MED13L: variants seen among roughly 807,000 people sequenced by gnomAD.
MED13L encodes the protein mediator of RNA polymerase II transcription subunit 13-like.
Under a neutral mutation model 220.9 loss-of-function variants are expected in MED13L, and 7 were observed. The observed-to-expected ratio is 0.03, with a 90% CI of 0.02 to 0.06. The LOEUF is 0.06. Among genes scored for constraint, MED13L ranks in the 10% least tolerant of loss-of-function variants. MED13L has a pLI of 1.00. For synonymous variants in MED13L, 1,011 were observed against 1,015.2 expected, an observed-to-expected ratio of 1.00 and a Z score of 0.08; for missense variants, 1,965 against 2,760.5, an observed-to-expected ratio of 0.71 and a Z score of 6.46.
intron 2 of MED13L, among the ~76,000 whole-genome samples, chr12:116,192,377 T>C (rs921442316): frequency 1.3e-5 from 2 of 152,004 alleles, no homozygotes; most frequent in African/African-American, 4.8e-5. Context: ...TCTAAGAGAG[T>C]AAACACAGGA....
chr12:116,237,048 T>C (rs1870147835), intron 2 of MED13L, among the ~76,000 whole-genome samples: 1 of 152,216 alleles, frequency 6.6e-6, no homozygotes, highest in Non-Finnish European at 1.5e-5. Context: ...AATTTCTGTA[T>C]CACTCTCCAA....
At chr12:115,987,435 GA>G in intron 17 of MED13L, 147 bp from the exon 18 acceptor site, 2 of 701,592 alleles carry the variant, frequency 2.9e-6, no homozygotes, top group East Asian at 5.5e-5. Context: ...GAGTCAGGAG[GA>G]AAGATATTCT....
At chr12:116,214,575 T>C (rs1882890272) in intron 2 of MED13L, among the ~76,000 whole-genome samples, 1 of 152,158 alleles carries the variant, frequency 6.6e-6, no homozygotes, top group South Asian at 2.1e-4. Context: ...ATATATGTAA[T>C]ACCAAAATTT....
intron 3 of MED13L, among the ~76,000 whole-genome samples, chr12:116,097,806 A>G (rs1413507044): frequency 6.6e-6 from 1 of 152,228 alleles, no homozygotes; most frequent in African/African-American, 2.4e-5. Flanking sequence ...TGTAACAACA[A>G]TAACATACAC....
At chr12:116,275,930 C>A (rs1873778351) in intron 1 of MED13L, among the ~76,000 whole-genome samples, 1 of 152,166 alleles carries the variant, frequency 6.6e-6, no homozygotes, top group South Asian at 2.1e-4. Flanking sequence ...GCTATACATA[C>A]AGTAACTCAT....
intron 3 of MED13L, among the ~76,000 whole-genome samples, chr12:116,101,090 C>T (rs1435527256): frequency 6.6e-6 from 1 of 152,176 alleles, no homozygotes; most frequent in Non-Finnish European, 1.5e-5. Context: ...ATTAACCCTG[C>T]TTTGGCCAGA....
At chr12:116,019,047 G>A (rs1318062035) in intron 7 of MED13L, among the ~76,000 whole-genome samples, 177 bp downstream of exon 7, 2 of 152,168 alleles carry the variant, frequency 1.3e-5, no homozygotes, top group Admixed American at 6.5e-5. Context: ...AAATTCTGAA[G>A]TGTATGAATT....
chr12:116,164,614 A>G (rs1008136773), intron 2 of MED13L, among the ~76,000 whole-genome samples: 4 of 152,182 alleles, frequency 2.6e-5, no homozygotes, highest in African/African-American at 9.7e-5. Context: ...GGAAGAGGAC[A>G]CTAGTTTTCC....
chr12:115,980,673 T>G (rs1471577058), intron 23 of MED13L, 77 bp downstream of exon 23: 53 of 1,485,116 alleles, frequency 3.6e-5, no homozygotes, highest in Non-Finnish European at 4.8e-5. Context: ...CCAGCCAATC[T>G]CTGGGTTAGA....
At chr12:116,040,795 CA>C (rs59484926) in intron 4 of MED13L, among the ~76,000 whole-genome samples, 12,053 of 92,406 alleles carry the variant, frequency 0.13, 444 homozygotes, top group Middle Eastern at 0.21. Context: ...TAGGAGTCCT[CA>C]AAAAAAAAAA....
chr12:116,054,428 G>A (rs1369622434), intron 4 of MED13L, among the ~76,000 whole-genome samples: 1 of 152,076 alleles, frequency 6.6e-6, no homozygotes, highest in African/African-American at 2.4e-5. Flanking sequence ...TGAGAACTCT[G>A]CCAAAGTTTC....
intron 4 of MED13L, among the ~76,000 whole-genome samples, chr12:116,069,704 T>C (rs534453912): frequency 6.6e-6 from 1 of 152,340 alleles, no homozygotes; most frequent in South Asian, 2.1e-4. Context: ...TCCAAAACTT[T>C]TTGAGCACCA....
intron 2 of MED13L, among the ~76,000 whole-genome samples, chr12:116,132,643 G>A (rs555266563): frequency 7.2e-5 from 11 of 151,994 alleles, no homozygotes; most frequent in Middle Eastern, 3.4e-3. Context: ...GAAACAGGTC[G>A]GGTGCAGGGG....
rs1872119398 is a variant in MED13L, at chr12:116,257,007, T to A, written c.73-19302A>T. On this transcript the variant is annotated intron_variant, in intron 1 of 30. Transcript: ENST00000281928. Reference sequence around the variant, plus strand: ...AACTACTTTTAATAAAACCAAAGTATCATCTTGCACATCTCCTGGTAAGTG... The same window carrying A: ...AACTACTTTTAATAAAACCAAAGTAACATCTTGCACATCTCCTGGTAAGTG... Among the ~76,000 whole-genome samples the A allele has an allele frequency of 2.0e-5, 3 of 152,298 alleles. No homozygotes were observed. The South Asian group carries it at 6.2e-4, about 32-fold the overall frequency.
intron 16 of MED13L, among the ~76,000 whole-genome samples, chr12:115,996,194 G>A (rs531044466): frequency 1.3e-5 from 2 of 152,064 alleles, no homozygotes; most frequent in South Asian, 2.1e-4. Flanking sequence ...GGGTTCAAGC[G>A]ATTCTCCTGC....
chr12:116,235,526 C>T (rs1565942229), intron 2 of MED13L, among the ~76,000 whole-genome samples: 1 of 152,178 alleles, frequency 6.6e-6, no homozygotes, highest in Non-Finnish European at 1.5e-5. Flanking sequence ...CATATGATGA[C>T]TGTTTTCCTA....
At chr12:116,189,852 AG>A (rs1483282348) in intron 2 of MED13L, among the ~76,000 whole-genome samples, 1 of 152,204 alleles carries the variant, frequency 6.6e-6, no homozygotes, top group Non-Finnish European at 1.5e-5. Context: ...GCTAGTATAC[AG>A]AAGTTCAATT....
At chr12:116,000,908 G>A (rs1878697367) in intron 14 of MED13L, among the ~76,000 whole-genome samples, 1 of 151,482 alleles carries the variant, frequency 6.6e-6, no homozygotes, top group African/African-American at 2.4e-5. Context: ...GAGATGGGTT[G>A]CATATGTAAA....
intron 1 of MED13L, among the ~76,000 whole-genome samples, chr12:116,260,348 C>T (rs902307223): frequency 6.6e-6 from 1 of 152,084 alleles, no homozygotes; most frequent in African/African-American, 2.4e-5. Context: ...GGTTCTGAAG[C>T]GCATATGTCC....
Sources: gnomAD v4.1 joint callset for allele counts (sites outside exome capture counted in the v4.1 genomes callset) on GRCh38, gnomAD v4.1.1 for gene constraint, MANE v1.5 for transcripts, NCBI Gene and HGNC (gene_info 2026-07-23, HGNC 2026-07-21) for gene names.